The following CSGALNACT1 variants were observed in gnomAD, a reference collection of about 807,000 sequenced individuals.
CSGALNACT1 encodes the protein beta4GalNAcT-1.
CSGALNACT1 carries 52 observed loss-of-function variants against 51.0 expected under a neutral mutation model. That is an observed-to-expected ratio of 1.02 (90% CI 0.82 to 1.29). CSGALNACT1 has a LOEUF of 1.29. Among genes scored for constraint, CSGALNACT1 ranks in the 50% most tolerant of loss-of-function variants. CSGALNACT1 has a pLI of 0.00. For missense variants in CSGALNACT1, 935 were observed against 679.2 expected, an observed-to-expected ratio of 1.38 and a Z score of -4.19; for synonymous variants, 341 against 254.4, an observed-to-expected ratio of 1.34 and a Z score of -3.24.
Position 19,719,610 on chromosome 8 carries a change from C to T in CSGALNACT1, c.-297+38240G>A, listed in dbSNP as rs1218082254. On this transcript the variant is annotated intron_variant, in intron 1 of 1. Transcript: ENST00000517494. ...TGGTAGGAGCAAATCAGCAAAAAAT[C>T]CCTGTGTTGTTTCTTACTGGGATTC... is the stretch of plus-strand genomic sequence containing the variant. Among the ~76,000 whole-genome samples the T allele has an allele frequency of 2.6e-5, 4 of 152,186 alleles. No homozygotes were observed. In the South Asian group the frequency reaches 8.3e-4, roughly 31 times the overall value.
At position 19,719,283 on chromosome 8, in the gene CSGALNACT1, G is replaced by C. The variant is rs77571078; in HGVS notation, c.-297+38567C>G. Among the ~76,000 whole-genome samples, 135 of 152,298 alleles carry C rather than the reference G, an allele frequency of 8.9e-4. 2 individuals carry two copies. The East Asian group carries it at 0.022, about 25-fold the overall frequency. On this transcript the variant is annotated intron_variant, in intron 1 of 1. Transcript: ENST00000517494. Reference sequence around the variant, plus strand: ...TTTTTGGAAGGTAGGATGAAAGTGAGTGAGAAAAAGCTAGAATTCTTTCCC... The same window carrying C: ...TTTTTGGAAGGTAGGATGAAAGTGACTGAGAAAAAGCTAGAATTCTTTCCC...
chr8:19,650,816 G>T (rs2057736575), intron 1 of CSGALNACT1, among the ~76,000 whole-genome samples: 1 of 152,176 alleles, frequency 6.6e-6, no homozygotes, highest in South Asian at 2.1e-4. Context: ...GTGAGTCTTG[G>T]CTTCTTAGAA....
At chr8:19,614,491 A>G (rs2052722201) in intron 1 of CSGALNACT1, among the ~76,000 whole-genome samples, 3 of 152,224 alleles carry the variant, frequency 2.0e-5, no homozygotes, top group Admixed American at 2.0e-4. Flanking sequence ...CAATACACAG[A>G]TGAGTAAAGT....
chr8:19,418,862 T>C (rs1160159214), intron 7 of CSGALNACT1, 112 bp from the exon 7 acceptor site: 24 of 754,068 alleles, frequency 3.2e-5, no homozygotes, highest in Middle Eastern at 3.0e-4. Context: ...ACTTTTTTTT[T>C]CTTTGAGAGG....
chr8:19,486,834 C>G (rs530396415), intron 4 of CSGALNACT1, among the ~76,000 whole-genome samples: 1 of 152,156 alleles, frequency 6.6e-6, no homozygotes, highest in Non-Finnish European at 1.5e-5. Flanking sequence ...AGCCCTGCAA[C>G]GTAGATTTTG....
At chr8:19,640,555 A>C (rs2056621049) in intron 1 of CSGALNACT1, among the ~76,000 whole-genome samples, 1 of 152,222 alleles carries the variant, frequency 6.6e-6, no homozygotes, top group Non-Finnish European at 1.5e-5. Flanking sequence ...ACTCAAACTC[A>C]AAATCAGTTC....
exon 10 of CSGALNACT1, chr8:19,405,019 G>C (rs961893574): frequency 6.2e-5 from 28 of 453,210 alleles, no homozygotes; most frequent in Non-Finnish European, 1.1e-4. Context: ...GCTTTGAACT[G>C]AAAGTTCTCA....
In CSGALNACT1 at chr8:19,578,955, C is replaced by T. The variant is rs528000662; in HGVS notation, c.-297+12205G>A. On this transcript the variant is annotated intron_variant, in intron 3 of 9. Coordinates refer to ENST00000454498, the Ensembl canonical transcript of CSGALNACT1. ...ACGTTGACCACGCTGGTCTCAAACT[C>T]CTAGCCTCAAGTGATCCTCCTGCCT... Among the ~76,000 whole-genome samples, 3 of 152,290 alleles carry T rather than the reference C, an allele frequency of 2.0e-5. No individual in the cohort carries two copies. In the East Asian group the frequency reaches 5.8e-4, roughly 29 times the overall value.
At chr8:19,434,970 T>C (rs576450754) in intron 6 of CSGALNACT1, among the ~76,000 whole-genome samples, 36 of 152,230 alleles carry the variant, frequency 2.4e-4, no homozygotes, top group African/African-American at 8.2e-4. Flanking sequence ...GAAAGAGGTG[T>C]GAAATGCTGA....
chr8:19,541,146 C>T (rs919936449), intron 3 of CSGALNACT1, among the ~76,000 whole-genome samples: 2 of 151,718 alleles, frequency 1.3e-5, no homozygotes, highest in South Asian at 2.1e-4. Context: ...GTGGCATGAT[C>T]GCAGCTCACT....
At chr8:19,451,402 C>T (rs568341005) in intron 5 of CSGALNACT1, among the ~76,000 whole-genome samples, 1 of 152,136 alleles carries the variant, frequency 6.6e-6, no homozygotes, top group African/African-American at 2.4e-5. Context: ...TTTTATTAAA[C>T]TTGTATTTTT....
intron 3 of CSGALNACT1, among the ~76,000 whole-genome samples, chr8:19,512,655 G>C (rs530562442): frequency 1.6e-4 from 25 of 152,174 alleles, no homozygotes; most frequent in African/African-American, 5.8e-4. Flanking sequence ...GAGAAAATAA[G>C]GCTCAGAGAA....
At chr8:19,722,604 C>G (rs530491785) in intron 1 of CSGALNACT1, among the ~76,000 whole-genome samples, 5 of 152,334 alleles carry the variant, frequency 3.3e-5, no homozygotes, top group African/African-American at 1.2e-4. Flanking sequence ...CAGATGGGAG[C>G]ATGTGGTCCA....
At chr8:19,525,616 A>C (rs374107260) in intron 3 of CSGALNACT1, among the ~76,000 whole-genome samples, 18 of 30,278 alleles carry the variant, frequency 5.9e-4, no homozygotes, top group African/African-American at 2.1e-3. Flanking sequence ...AACTTGTCCC[A>C]AAAAAAAAAA....
intron 5 of CSGALNACT1, 119 bp downstream of exon 4, chr8:19,458,307 T>A: frequency 1.1e-6 from 1 of 910,058 alleles, no homozygotes; most frequent in East Asian, 2.4e-5. Flanking sequence ...AAAACAGAGC[T>A]GAATAAGAGA....
At chr8:19,470,549 G>C (rs1025612761) in intron 4 of CSGALNACT1, among the ~76,000 whole-genome samples, 3 of 152,184 alleles carry the variant, frequency 2.0e-5, no homozygotes, top group African/African-American at 4.8e-5. Flanking sequence ...ACAGGTGTGA[G>C]GGCAAGGAAG....
In CSGALNACT1 at chr8:19,406,100, A is replaced by C. The variant is rs2054112504; in HGVS notation, c.1310-31T>G. The C allele has an allele frequency of 3.1e-6, 5 of 1,613,386 alleles. 1 individual carries two copies. The South Asian group carries it at 5.5e-5, about 18-fold the overall frequency. On this transcript the variant is annotated intron_variant, in intron 9 of 9. Coordinates refer to ENST00000454498, the Ensembl canonical transcript of CSGALNACT1. ...GGGACAGAACACACTGTTGAATCAC[A>C]CTGCACTGATCTGTTTTGCTTCCCT... is the stretch of plus-strand genomic sequence containing the variant.
At chr8:19,412,566 T>C (rs56316193) in intron 8 of CSGALNACT1, among the ~76,000 whole-genome samples, 20,259 of 152,218 alleles carry the variant, frequency 0.13, 1,656 homozygotes, top group Middle Eastern at 0.23. Flanking sequence ...TCCTCAGCAC[T>C]GAGGCTGCGT....
intron 1 of CSGALNACT1, among the ~76,000 whole-genome samples, chr8:19,667,624 C>T (rs1392736565): frequency 6.6e-6 from 1 of 152,114 alleles, no homozygotes; most frequent in Non-Finnish European, 1.5e-5. Context: ...AACATGACCA[C>T]AAAACGGCAG....
Sources: gnomAD v4.1 joint callset for allele counts (sites outside exome capture counted in the v4.1 genomes callset) on GRCh38, gnomAD v4.1.1 for gene constraint, MANE v1.5 for transcripts, NCBI Gene and HGNC (gene_info 2026-07-23, HGNC 2026-07-21) for gene names.